The following DNAJC18 variants were observed in gnomAD, a reference collection of about 807,000 sequenced individuals.
The protein encoded by DNAJC18 is dnaJ homolog subfamily C member 18.
Under a neutral mutation model 48.6 loss-of-function variants are expected in DNAJC18, and 40 were observed. The ratio of observed to expected loss-of-function variants is 0.82; its 90% confidence interval spans 0.64 to 1.07. The LOEUF is 1.07. Ranked by LOEUF, DNAJC18 falls within the 50% of genes least tolerant of loss-of-function variation. The pLI, the probability that DNAJC18 is intolerant of heterozygous loss-of-function variation, is 0.00. For synonymous variants in DNAJC18, 135 were observed against 152.2 expected (o/e 0.89, Z 0.83); for missense variants, 340 against 427.7 (o/e 0.79, Z 1.81).
At chr5:139,437,266 A>G in intron 2 of DNAJC18, 106 bp downstream of exon 2, 1 of 1,144,454 alleles carries the variant, frequency 8.7e-7, no homozygotes, top group Non-Finnish European at 1.2e-6. Context: ...TGCCTCAATT[A>G]TCATCATCAT....
intron 3 of DNAJC18, among the ~76,000 whole-genome samples, chr5:139,426,982 A>T (rs1191142956): frequency 2.0e-5 from 3 of 152,110 alleles, no homozygotes. Flanking sequence ...GGCCTCCAAA[A>T]GTTTGGGATT....
chr5:139,422,028 G>T (rs1276946850), intron 6 of DNAJC18, among the ~76,000 whole-genome samples: 1 of 151,866 alleles, frequency 6.6e-6, no homozygotes, highest in African/African-American at 2.4e-5. Flanking sequence ...CTTCAGTGTG[G>T]ACCAGAATAA....
At chr5:139,436,862 T>C (rs749308957) in intron 2 of DNAJC18, among the ~76,000 whole-genome samples, 1 of 152,228 alleles carries the variant, frequency 6.6e-6, no homozygotes, top group Admixed American at 6.5e-5. Context: ...GTTTTCATTT[T>C]CACTCATCTC....
At chr5:139,420,693 C>T (rs954567636) in intron 6 of DNAJC18, among the ~76,000 whole-genome samples, 1 of 151,532 alleles carries the variant, frequency 6.6e-6, no homozygotes, top group Non-Finnish European at 1.5e-5. Flanking sequence ...AAGTACTTCG[C>T]ACATAGCTGC....
chr5:139,424,797 C>A (rs1272836408), intron 5 of DNAJC18, among the ~76,000 whole-genome samples: 1 of 149,006 alleles, frequency 6.7e-6, no homozygotes, highest in Non-Finnish European at 1.5e-5. Flanking sequence ...CTGGGAGAGC[C>A]ACCCAAGAAT....
At chr5:139,424,679 T>C (rs554620336) in intron 5 of DNAJC18, among the ~76,000 whole-genome samples, 22 of 124,748 alleles carry the variant, frequency 1.8e-4, no homozygotes, top group African/African-American at 6.6e-4. Context: ...GTGTTTCTAC[T>C]ATTGTACTCC....
chr5:139,422,507 A>C (rs896256507), intron 6 of DNAJC18, among the ~76,000 whole-genome samples: 1 of 152,198 alleles, frequency 6.6e-6, no homozygotes, highest in African/African-American at 2.4e-5. Context: ...GAACAAGACA[A>C]TCTATTTCCC....
chr5:139,419,056 G>C lies in DNAJC18; in HGVS notation c.952+997C>G, dbSNP rs141572199. On this transcript the variant is annotated intron_variant, in intron 7 of 7. Coordinates refer to ENST00000302060, the MANE Select transcript of DNAJC18 (RefSeq NM_152686.4). ...AGGGCTTAGCAGCACTGTGACTGAA[G>C]AGCTAATTTTATCAGACTCCATTAG... is the stretch of plus-strand genomic sequence containing the variant. 1.3e-3 allele frequency: 533 copies of C among 421,628 alleles called. 3 individuals are homozygous for C. Among genetic ancestry groups the C allele is most frequent in the African/African-American group, 0.01 (488 of 48,454 alleles). The allele number at this position is 421,628 out of a possible 1,614,324, so 26.1% of individuals were successfully genotyped here. A position where few individuals can be genotyped will look rare whatever the true frequency, so the allele number is the denominator to read the frequency against.
At chr5:139,417,088 G>A (rs949457880) in intron 7 of DNAJC18, among the ~76,000 whole-genome samples, 2 of 151,998 alleles carry the variant, frequency 1.3e-5, no homozygotes, top group Non-Finnish European at 1.5e-5. Flanking sequence ...TACTCAGGAG[G>A]CTGAGGCAGG....
rs937723047 is a variant in DNAJC18 at position 139,414,290 on chromosome 5, TA to T, written c.953-19del. On this transcript the variant is annotated intron_variant, in intron 7 of 7. Coordinates refer to ENST00000302060, the MANE Select transcript of DNAJC18 (RefSeq NM_152686.4). Reference sequence around the variant, plus strand: ...CTCTGACTCTGAAAGATAAAAGAGGTAACCAATTCATCAAGAGCTGAACTCC... The same window carrying T: ...CTCTGACTCTGAAAGATAAAAGAGGTACCAATTCATCAAGAGCTGAACTCC... 5 of 1,603,552 alleles carry T rather than the reference TA, an allele frequency of 3.1e-6. No individual in the cohort carries two copies. In the African/African-American group the frequency reaches 4.0e-5, roughly 13 times the overall value.
intron 1 of DNAJC18, among the ~76,000 whole-genome samples, chr5:139,438,315 CAA>C (rs35642628): frequency 3.1e-5 from 4 of 131,020 alleles, no homozygotes; most frequent in Non-Finnish European, 4.7e-5. Flanking sequence ...GACTCCGTCT[CAA>C]AAAAAAAAAA....
intron 5 of DNAJC18, 129 bp downstream of exon 5, chr5:139,424,876 G>GCTTTCCTAAAGCACAT (rs1759211231): frequency 1.3e-6 from 1 of 778,294 alleles, no homozygotes; most frequent in African/African-American, 1.7e-5. Flanking sequence ...CATTGCTTTT[G>GCTTTCCTAAAGCACAT]CTTTCCTAAA....
chr5:139,437,049 C>T (rs924068630), intron 2 of DNAJC18, among the ~76,000 whole-genome samples: 1 of 152,086 alleles, frequency 6.6e-6, no homozygotes, highest in South Asian at 2.1e-4. Context: ...GTTTTATGAC[C>T]TAAGATATGG....
chr5:139,421,379 A>G (rs1759149858), intron 6 of DNAJC18, among the ~76,000 whole-genome samples: 1 of 151,562 alleles, frequency 6.6e-6, no homozygotes, highest in Non-Finnish European at 1.5e-5. Flanking sequence ...AACCTGGGAG[A>G]AGGGGATTAC....
intron 4 of DNAJC18, 55 bp from the exon 5 acceptor site, chr5:139,425,169 T>C: frequency 1.3e-6 from 2 of 1,495,582 alleles, no homozygotes; most frequent in Non-Finnish European, 1.8e-6. Flanking sequence ...CCTGCCTTTT[T>C]CTTTTTTTTT....
intron 7 of DNAJC18, among the ~76,000 whole-genome samples, chr5:139,416,479 C>T (rs1295614628): frequency 1.3e-5 from 2 of 152,202 alleles, no homozygotes; most frequent in African/African-American, 4.8e-5. Flanking sequence ...GATCCAGCCC[C>T]ATGAGATGGT....
At chr5:139,422,267 G>A (rs1205324666) in intron 6 of DNAJC18, among the ~76,000 whole-genome samples, 1 of 152,082 alleles carries the variant, frequency 6.6e-6, no homozygotes, top group Non-Finnish European at 1.5e-5. Context: ...AGCATTACAA[G>A]GAATTTCTCT....
intron 3 of DNAJC18, 139 bp downstream of exon 3, chr5:139,428,399 A>T: frequency 8.5e-7 from 1 of 1,176,754 alleles, no homozygotes; most frequent in South Asian, 1.6e-5. Context: ...AGCTATGCTG[A>T]TTATCACTAT....
intron 3 of DNAJC18, among the ~76,000 whole-genome samples, chr5:139,426,851 TCACACACA>T (rs150809523): frequency 6.6e-6 from 1 of 151,178 alleles, no homozygotes; most frequent in African/African-American, 2.4e-5. Flanking sequence ...TGAGACTTTG[TCACACACA>T]CACACACACA....
Sources: gnomAD v4.1 joint callset for allele counts (sites outside exome capture counted in the v4.1 genomes callset) on GRCh38, gnomAD v4.1.1 for gene constraint, MANE v1.5 for transcripts, NCBI Gene and HGNC (gene_info 2026-07-23, HGNC 2026-07-21) for gene names.